TRIM2: variants seen among roughly 807,000 people sequenced by gnomAD.
TRIM2 encodes tripartite motif containing 2, also known as tripartite motif-containing protein 2.
A neutral mutation model predicts 75.2 loss-of-function variants in TRIM2; 20 were observed. The ratio of observed to expected loss-of-function variants is 0.27; its 90% CI spans 0.19 to 0.39. TRIM2 has a LOEUF of 0.39. Ranked by LOEUF, TRIM2 falls within the 10% of genes least tolerant of loss-of-function variation. The pLI is 1.00. For synonymous variants in TRIM2, 373 were observed against 388.3 expected, an observed-to-expected ratio of 0.96 and a Z score of 0.46; for missense variants, 660 against 990.8, an observed-to-expected ratio of 0.67 and a Z score of 4.48.
intron 1 of TRIM2, among the ~76,000 whole-genome samples, chr4:153,249,272 C>T (rs959365011): frequency 6.6e-6 from 1 of 152,256 alleles, no homozygotes; most frequent in Non-Finnish European, 1.5e-5. Context: ...TTCTTTTCTT[C>T]CGCCTGAGCG....
Position 153,338,138 on chromosome 4 carries a change from C to T in TRIM2, c.*3172C>T. On this transcript the variant is annotated 3_prime_UTR_variant, in exon 12 of 12. Transcript: ENST00000338700. ...TGCAGCTAGAACACACTTGCTTCCA[C>T]TACTAAATATACAGGGTATGTCCTA... 2 of 985,832 alleles carry T rather than the reference C, an allele frequency of 2.0e-6. No homozygotes were observed. Among genetic ancestry groups the T allele is most frequent in the Non-Finnish European group, 2.4e-6 (2 of 829,922 alleles). 61.1% of individuals were successfully genotyped at this position (985,832 alleles called of 1,614,324 possible). A position where few individuals can be genotyped will look rare whatever the true frequency, so the allele number is the denominator to read the frequency against.
In TRIM2 at chr4:153,270,402, C is replaced by A; in HGVS notation, c.98C>A (p.Thr33Asn). 2 of 1,613,990 alleles carry A rather than the reference C, an allele frequency of 1.2e-6. No homozygotes were observed. Among genetic ancestry groups the A allele is most frequent in the Non-Finnish European group, 1.7e-6 (2 of 1,179,974 alleles). The change falls in exon 2 of 12, where the codon ACC becomes AAC. Residue 33 changes from threonine to asparagine, a missense_variant. Transcript: ENST00000338700. The part of the protein sequence containing the change: ...CQWSRMASEG[T>N]NIPSPVVRQI... ...TGGTCTAGGATGGCCAGTGAAGGCA[C>A]CAACATCCCAAGTCCTGTGGTGCGC...
At chr4:153,178,379 T>C (rs1161871272) in intron 1 of TRIM2, among the ~76,000 whole-genome samples, 2 of 152,140 alleles carry the variant, frequency 1.3e-5, no homozygotes, top group Non-Finnish European at 2.9e-5. Context: ...TGAAGGTTAA[T>C]CCCTCACGTG....
intron 1 of TRIM2, among the ~76,000 whole-genome samples, chr4:153,188,437 G>A (rs1252835876): frequency 6.6e-6 from 1 of 152,074 alleles, no homozygotes; most frequent in Non-Finnish European, 1.5e-5. Flanking sequence ...TTTAGCCTAG[G>A]TAACAAAGTG....
At chr4:153,190,728 T>G (rs762220805) in intron 1 of TRIM2, among the ~76,000 whole-genome samples, 3 of 152,114 alleles carry the variant, frequency 2.0e-5, no homozygotes, top group Non-Finnish European at 4.4e-5. Context: ...GGAATGCTAT[T>G]CTTTTCTTTT....
chr4:153,328,635 A>C lies in TRIM2; in HGVS notation c.2128A>C (p.Ile710Leu). 6.2e-7 allele frequency: 1 copy of C among 1,612,496 alleles called. No individual in the cohort carries two copies. Among genetic ancestry groups the C allele is most frequent in the South Asian group, 1.1e-5 (1 of 90,728 alleles). The change falls in exon 11 of 12, where the codon ATC becomes CTC. Residue 710 changes from isoleucine (I) to leucine (L), a missense_variant. Ile to Leu is a conservative substitution (Grantham distance 5). This residue lies in a region of TRIM2 where 40 missense variants were observed against 99.8 expected (regional missense o/e 0.40). Coordinates refer to ENST00000338700, the MANE Select transcript of TRIM2 (RefSeq NM_015271.5). ...TGTAGCAGTGGATTCAAATGGAAAC[A>C]TCATTGTGGCCGACTGGGGAAACAG... The part of the protein sequence containing the change: ...TGVAVDSNGN[I>L]IVADWGNSRI...
intron 1 of TRIM2, among the ~76,000 whole-genome samples, chr4:153,187,826 C>T (rs1042932462): frequency 3.3e-5 from 5 of 152,166 alleles, no homozygotes; most frequent in Non-Finnish European, 7.3e-5. Context: ...CACAGCAGAG[C>T]CATCTCCAAG....
At chr4:153,283,346 T>C (rs1286827517) in intron 3 of TRIM2, among the ~76,000 whole-genome samples, 2 of 152,206 alleles carry the variant, frequency 1.3e-5, no homozygotes, top group African/African-American at 2.4e-5. Flanking sequence ...TTCCATCAAT[T>C]AGCATGTTTT....
intron 1 of TRIM2, among the ~76,000 whole-genome samples, chr4:153,189,011 TA>T (rs199933909): frequency 8.6e-4 from 125 of 146,102 alleles, no homozygotes; most frequent in African/African-American, 2.6e-3. Flanking sequence ...TTTCTTTCTT[TA>T]AAAAAAAAAA....
At chr4:153,268,612 A>G (rs548596278) in intron 1 of TRIM2, among the ~76,000 whole-genome samples, 1 of 152,310 alleles carries the variant, frequency 6.6e-6, no homozygotes, top group East Asian at 1.9e-4. Flanking sequence ...TGGACACCTT[A>G]CCAAATATTT....
intron 1 of TRIM2, 80 bp downstream of exon 1, chr4:153,204,640 T>C (rs1204141027): frequency 6.6e-7 from 1 of 1,520,852 alleles, no homozygotes. Context: ...CAAGTTGTGA[T>C]TGGGTTGCTA....
Position 153,337,516 on chromosome 4 carries a change from A to G in TRIM2, c.*2550A>G. The G allele has an allele frequency of 4.9e-5, 48 of 985,828 alleles. No individual in the cohort carries two copies. Among genetic ancestry groups the G allele is most frequent in the Non-Finnish European group, 5.8e-5 (48 of 829,908 alleles). The allele number at this position is 985,828 out of a possible 1,614,324, so 61.1% of individuals were successfully genotyped here. On this transcript the variant is annotated 3_prime_UTR_variant, in exon 12 of 12. Transcript: ENST00000338700. ...TCCAGGAAACACTATATTTTTTCCA[A>G]AAAATATGTGATTATATATGTTAAA... is the stretch of plus-strand genomic sequence containing the variant.
chr4:153,293,717 A>G (rs75612500), intron 4 of TRIM2, among the ~76,000 whole-genome samples: 2,768 of 152,356 alleles, frequency 0.018, 73 homozygotes, highest in African/African-American at 0.063. Context: ...AGCTGTAGTG[A>G]GAAAAGTGTG....
rs1470104 is a variant in TRIM2, at chr4:153,270,558, G to A, written c.215+39G>A. On this transcript the variant is annotated intron_variant, in intron 2 of 11. Coordinates refer to ENST00000338700, the MANE Select transcript of TRIM2 (RefSeq NM_015271.5). ...GTGCTTGGAGAAGGGAGTTTCGCAG[G>A]CTGACCTCCTACAACCTACTGCAGG... 0.27 allele frequency: 418,746 copies of A among 1,543,888 alleles called. 60,888 individuals are homozygous for A. Among genetic ancestry groups the A allele is most frequent in the South Asian group, 0.34 (26,947 of 80,000 alleles).
rs1246930391 is a variant in TRIM2, at chr4:153,249,396, TGAG to T, written c.31-20938_31-20936del. On this transcript the variant is annotated intron_variant, in intron 1 of 11. Coordinates refer to ENST00000338700, the MANE Select transcript of TRIM2 (RefSeq NM_015271.5). ...CCTGGCATGCGTGGCCGGGGCTGTC[TGAG>T]ATTTCCCCAGGTCGGTGGTTATGAC... Among the ~76,000 whole-genome samples, 4 of 152,224 alleles carry T rather than the reference TGAG, an allele frequency of 2.6e-5. No homozygotes were observed. In the East Asian group the frequency reaches 7.7e-4, roughly 29 times the overall value.
In TRIM2 at chr4:153,163,869, A is replaced by T. The variant is rs1029550919; in HGVS notation, c.-49+10599A>T. Among the ~76,000 whole-genome samples, 14 of 151,892 alleles carry T rather than the reference A, an allele frequency of 9.2e-5. No individual in the cohort carries two copies. In the South Asian group the frequency reaches 2.1e-3, roughly 23 times the overall value. ...AAACATATCCCTGCTTTGTGATTTA[A>T]GCTGTATTTTTGTTATTCACATACA... On this transcript the variant is annotated intron_variant, in intron 1 of 11. Transcript: ENST00000437508.
intron 7 of TRIM2, 41 bp from the exon 8 acceptor site, chr4:153,315,791 T>C: frequency 6.2e-7 from 1 of 1,610,034 alleles, no homozygotes; most frequent in African/African-American, 1.3e-5. Context: ...CAGCAATGCC[T>C]GTACTAGTTC....
chr4:153,244,179 T>G (rs142088234), intron 1 of TRIM2, among the ~76,000 whole-genome samples: 56 of 138,450 alleles, frequency 4.0e-4, no homozygotes, highest in African/African-American at 1.4e-3. Context: ...TTCTTCTTCT[T>G]CTCCTCCTTC....
Position 153,336,369 on chromosome 4 carries a change from A to C in TRIM2, c.*1403A>C, listed in dbSNP as rs564108004. On this transcript the variant is annotated 3_prime_UTR_variant, in exon 12 of 12. Coordinates refer to ENST00000338700, the MANE Select transcript of TRIM2 (RefSeq NM_015271.5). Reference sequence around the variant, plus strand: ...TTTCAAAAAAAAAAACAAAAAAAAAACCACACACACACATAAAAAACCCAA... The same window carrying C: ...TTTCAAAAAAAAAAACAAAAAAAAACCCACACACACACATAAAAAACCCAA... 153 of 984,530 alleles carry C rather than the reference A, an allele frequency of 1.6e-4. No individual in the cohort carries two copies. In the African/African-American group the frequency reaches 2.2e-3, roughly 14 times the overall value. The allele number at this position is 984,530 out of a possible 1,614,324, so 61.0% of individuals were successfully genotyped here. A position where few individuals can be genotyped will look rare whatever the true frequency, so the allele number is the denominator to read the frequency against.
Sources: allele counts gnomAD v4.1 joint callset (sites outside exome capture counted in the v4.1 genomes callset), GRCh38; gene constraint gnomAD v4.1.1; regional missense constraint gnomAD v4.1.1; transcripts MANE v1.5; gene names NCBI Gene and HGNC (gene_info 2026-07-23, HGNC 2026-07-21).